The following NCOR1 variants were observed in gnomAD, a reference collection of about 807,000 sequenced individuals.
NCOR1 encodes protein phosphatase 1, regulatory subunit 109.
In NCOR1, 63 loss-of-function variants were observed where a neutral mutation model predicts 288.1. The observed-to-expected ratio is 0.22, with a 90% CI of 0.18 to 0.27. The LOEUF (loss-of-function observed/expected upper bound fraction) is 0.27. NCOR1 is among the 10% of genes least tolerant of loss of function. NCOR1 has a pLI of 1.00. For synonymous variants in NCOR1, 1,007 were observed against 1,065.9 expected, an observed-to-expected ratio of 0.94 and a Z score of 1.08; for missense variants, 2,397 against 3,019.2, an observed-to-expected ratio of 0.79 and a Z score of 4.83.
chr17:16,115,169 C>T (rs1446593315), intron 18 of NCOR1, among the ~76,000 whole-genome samples: 1 of 152,194 alleles, frequency 6.6e-6, no homozygotes, highest in Non-Finnish European at 1.5e-5. Context: ...TGTACCTTGG[C>T]CCCTTTCAGC....
chr17:16,090,558 G>A (rs1006732559), intron 22 of NCOR1, among the ~76,000 whole-genome samples: 35 of 152,092 alleles, frequency 2.3e-4, no homozygotes, highest in Admixed American at 1.8e-3. Context: ...CAGAACTAGC[G>A]ATTAAGAATT....
intron 22 of NCOR1, among the ~76,000 whole-genome samples, chr17:16,089,536 G>C (rs1346234924): frequency 6.6e-6 from 1 of 151,952 alleles, no homozygotes; most frequent in Non-Finnish European, 1.5e-5. Flanking sequence ...TTCACATTAA[G>C]AGAAATAAAT....
At chr17:16,092,695 A>ATATATATATT (rs1567961490) in intron 21 of NCOR1, among the ~76,000 whole-genome samples, 1 of 22,602 alleles carries the variant, frequency 4.4e-5, no homozygotes, top group Non-Finnish European at 6.9e-5. Context: ...ATATATATAT[A>ATATATATATT]TTTTTTTTTT....
chr17:16,195,607 G>C (rs2089611417), intron 1 of NCOR1, among the ~76,000 whole-genome samples: 1 of 152,148 alleles, frequency 6.6e-6, no homozygotes, highest in South Asian at 2.1e-4. Flanking sequence ...AATTACTCTA[G>C]TATTATGAGG....
At chr17:16,140,326 G>A (rs978983304) in intron 11 of NCOR1, among the ~76,000 whole-genome samples, 3 of 152,228 alleles carry the variant, frequency 2.0e-5, no homozygotes, top group African/African-American at 7.2e-5. Flanking sequence ...GCAATATAGA[G>A]TAAGTGGTTA....
In NCOR1 at chr17:16,215,510, G is replaced by A. The variant is rs992205623; in HGVS notation, c.-219C>T. On this transcript the variant is annotated 5_prime_UTR_variant, in exon 1 of 46. Coordinates refer to ENST00000268712, the MANE Select transcript of NCOR1 (RefSeq NM_006311.4). ...CCGCCGCCGCCGCGGCTGCTGCTTC[G>A]CCACCTTGGCCGCCATCTTGACTCA... 1.5e-5 allele frequency: 6 copies of A among 398,734 alleles called. No individual in the cohort carries two copies. The highest frequency in any genetic ancestry group is 4.4e-5 in the Admixed American group (1 of 22,730). 24.7% of individuals were successfully genotyped at this position (398,734 alleles called of 1,614,324 possible). A position where few individuals can be genotyped will look rare whatever the true frequency, so the allele number is the denominator to read the frequency against.
chr17:16,080,039 T>C lies in NCOR1; in HGVS notation c.3426A>G (p.Gly1142=), dbSNP rs1387512500. ...TGGTTGGAGTTCCCCGAGTTATACTTCCTTCTTGTATGGCTCCTGCGGTAC... is the reference window on the plus strand; with the variant it reads ...TGGTTGGAGTTCCCCGAGTTATACTCCCTTCTTGTATGGCTCCTGCGGTAC... ...VRGTAGAIQE[G]SITRGTPTSK... is the part of the protein sequence containing the mutation. Residue 1142 remains glycine, a synonymous_variant, in exon 26 of 46, where the codon GGA becomes GGG. Coordinates refer to ENST00000268712, the MANE Select transcript of NCOR1 (RefSeq NM_006311.4). 6.2e-7 allele frequency: 1 copy of C among 1,613,910 alleles called. No individual in the cohort carries two copies. Among genetic ancestry groups the C allele is most frequent in the African/African-American group, 1.3e-5 (1 of 74,888 alleles).
At chr17:16,205,246 G>C (rs961285846) in intron 1 of NCOR1, among the ~76,000 whole-genome samples, 1 of 151,186 alleles carries the variant, frequency 6.6e-6, no homozygotes, top group African/African-American at 2.4e-5. Flanking sequence ...AAAGAAAAAA[G>C]TGAGTATGTA....
intron 8 of NCOR1, among the ~76,000 whole-genome samples, chr17:16,150,131 T>C (rs147199579): frequency 7.8e-4 from 118 of 152,202 alleles, no homozygotes; most frequent in African/African-American, 2.7e-3. Context: ...CAGGTTCAAG[T>C]ATAAATATTT....
chr17:16,072,185 G>A lies in NCOR1; in HGVS notation c.3855C>T (p.Asp1285=), dbSNP rs1443096412. The A allele has an allele frequency of 1.2e-6, 2 of 1,612,562 alleles. No individual in the cohort carries two copies. Among genetic ancestry groups the A allele is most frequent in the Admixed American group, 1.7e-5 (1 of 59,858 alleles). ...RALPRGSPHS[D]LKERTVLSGS... ...CAGACAATACAGTCCTTTCTTTGAG[G>A]TCAGAATGAGGACTCCCCCTGGGTA... is the stretch of plus-strand genomic sequence containing the variant. The change falls in exon 29 of 46, where the codon GAC becomes GAT. Residue 1285 remains aspartate (D), a synonymous_variant. Coordinates refer to ENST00000268712, the MANE Select transcript of NCOR1 (RefSeq NM_006311.4).
intron 1 of NCOR1, among the ~76,000 whole-genome samples, chr17:16,196,699 C>G (rs907920423): frequency 2.0e-5 from 3 of 151,764 alleles, no homozygotes; most frequent in African/African-American, 7.3e-5. Flanking sequence ...GTGGCGGGTG[C>G]CTGTAGTCCC....
chr17:16,092,260 C>A (rs1415345818), intron 21 of NCOR1, among the ~76,000 whole-genome samples: 1 of 152,100 alleles, frequency 6.6e-6, no homozygotes, highest in African/African-American at 2.4e-5. Flanking sequence ...GAGGCCGAGG[C>A]AGGCAGATCA....
intron 4 of NCOR1, among the ~76,000 whole-genome samples, chr17:16,170,107 CTGTGTGTGTG>C (rs61345864): frequency 2.7e-5 from 4 of 147,680 alleles, no homozygotes; most frequent in East Asian, 4.0e-4. Context: ...TATTTGCTTT[CTGTGTGTGTG>C]TGTGTGTGTG....
At chr17:16,154,349 T>TA (rs1345712409) in intron 6 of NCOR1, among the ~76,000 whole-genome samples, 2 of 152,200 alleles carry the variant, frequency 1.3e-5, no homozygotes, top group African/African-American at 4.8e-5. Flanking sequence ...CAGATAGAAG[T>TA]AAATAATTCT....
At chr17:16,058,205 A>C in intron 38 of NCOR1, 141 bp from the exon 39 acceptor site, 10 of 910,482 alleles carry the variant, frequency 1.1e-5, no homozygotes, top group Non-Finnish European at 1.4e-5. Flanking sequence ...AATTTTGGAG[A>C]AAAAAAAAAT....
chr17:16,188,111 T>C (rs900069383), intron 2 of NCOR1, among the ~76,000 whole-genome samples: 1 of 152,116 alleles, frequency 6.6e-6, no homozygotes, highest in Non-Finnish European at 1.5e-5. Context: ...CTATATTATA[T>C]ACTTTAAAAT....
rs1330541824 is a variant in NCOR1, at chr17:16,064,189, T to G, written c.5102-2A>C. The G allele has an allele frequency of 6.2e-7, 1 of 1,611,934 alleles. No individual in the cohort carries two copies. Among genetic ancestry groups the G allele is most frequent in the Non-Finnish European group, 8.5e-7 (1 of 1,178,914 alleles). The stretch of plus-strand genomic sequence containing the variant: ...CAGCTGCAAGGTGTGTTGGGTGTCC[T>G]GTAAAACATAAACCTGCAGCTTAAA... On this transcript the variant is annotated splice_acceptor_variant, in intron 34 of 45. Transcript: ENST00000268712. LOFTEE classifies it high-confidence loss of function.
chr17:16,195,137 T>C (rs1279789867), intron 1 of NCOR1, among the ~76,000 whole-genome samples: 1 of 152,184 alleles, frequency 6.6e-6, no homozygotes, highest in Non-Finnish European at 1.5e-5. Context: ...ACATTTGTTA[T>C]ATTACTCTTT....
intron 21 of NCOR1, among the ~76,000 whole-genome samples, chr17:16,092,695 A>ATATATATATATAT (rs1567961490): frequency 4.4e-5 from 1 of 22,602 alleles, no homozygotes; most frequent in Non-Finnish European, 6.9e-5. Context: ...ATATATATAT[A>ATATATATATATAT]TTTTTTTTTT....
Sources: gnomAD v4.1 joint callset for allele counts (sites outside exome capture counted in the v4.1 genomes callset) on GRCh38, gnomAD v4.1.1 for gene constraint, MANE v1.5 for transcripts, NCBI Gene and HGNC (gene_info 2026-07-23, HGNC 2026-07-21) for gene names.